The following PRKCQ variants were observed in gnomAD, a reference collection of about 807,000 sequenced individuals.
PRKCQ encodes protein kinase C theta type.
A neutral mutation model predicts 91.2 loss-of-function variants in PRKCQ; 41 were observed. The observed-to-expected ratio is 0.45, with a 90% confidence interval of 0.35 to 0.58. PRKCQ has a LOEUF of 0.58. Ranked by LOEUF, PRKCQ falls within the 20% of genes least tolerant of loss-of-function variation. The pLI is 0.00. For missense variants in PRKCQ, 673 were observed against 896.5 expected (o/e 0.75, Z 3.18); for synonymous variants, 307 against 316.9 (o/e 0.97, Z 0.33).
At chr10:6,428,449 T>C in intron 17 of PRKCQ, 87 bp from the exon 18 acceptor site, 6 of 1,457,628 alleles carry the variant, frequency 4.1e-6, no homozygotes, top group Non-Finnish European at 5.6e-6. Flanking sequence ...TAGGCCGTGA[T>C]CTGCGTATGG....
rs1411547658 is a variant in PRKCQ at position 6,479,087 on chromosome 10, C to T, written c.1258G>A (p.Asp420Asn). The change falls in exon 12 of 18, where the codon GAT becomes AAT. Residue 420 changes from aspartate (D) to asparagine (N), a missense_variant. Transcript: ENST00000263125. Reference sequence around the variant, plus strand: ...TCTACCATCGTGCACTCAACATCATCGTCCATCAAGACCACATCTTTCTTT... The same window carrying T: ...TCTACCATCGTGCACTCAACATCATTGTCCATCAAGACCACATCTTTCTTT... ...ALKKDVVLMD[D>N]DVECTMVEKR... 1.9e-6 allele frequency: 3 copies of T among 1,614,204 alleles called. No individual in the cohort carries two copies. Among genetic ancestry groups the T allele is most frequent in the Non-Finnish European group, 2.5e-6 (3 of 1,180,032 alleles).
the PRKCQ span, among the ~76,000 whole-genome samples, chr10:6,412,028 A>G: frequency 6.6e-6 from 1 of 152,078 alleles, no homozygotes; most frequent in Non-Finnish European, 1.5e-5. Context: ...AAATTAGCCT[A>G]TGAACCCAGA....
chr10:6,533,702 AAAACAGAATGTCCAG>A (rs1839475500), intron 1 of PRKCQ, among the ~76,000 whole-genome samples: 1 of 152,260 alleles, frequency 6.6e-6, no homozygotes, highest in African/African-American at 2.4e-5. Context: ...TTACCGGAAC[AAAACAGAATGTCCAG>A]AAACAGATCC....
At chr10:6,446,731 G>GC (rs1834330328) in intron 15 of PRKCQ, among the ~76,000 whole-genome samples, 3 of 152,206 alleles carry the variant, frequency 2.0e-5, no homozygotes, top group African/African-American at 7.2e-5. Context: ...TTCTCTCTCA[G>GC]CCCCGGGACC....
the PRKCQ span, among the ~76,000 whole-genome samples, chr10:6,396,142 G>C: frequency 1.3e-5 from 2 of 152,098 alleles, no homozygotes; most frequent in Non-Finnish European, 2.9e-5. Context: ...GATAATAAAT[G>C]TAAAAAGTCA....
chr10:6,503,379 T>C (rs1400280853), intron 4 of PRKCQ, among the ~76,000 whole-genome samples: 2 of 151,770 alleles, frequency 1.3e-5, no homozygotes, highest in Admixed American at 6.6e-5. Flanking sequence ...AGGTGTGAAA[T>C]AGAAAGTTGG....
chr10:6,503,399 A>T (rs1838025286), intron 4 of PRKCQ, among the ~76,000 whole-genome samples: 1 of 152,206 alleles, frequency 6.6e-6, no homozygotes, highest in South Asian at 2.1e-4. Context: ...GCAGGGGGGC[A>T]TGAGATGACA....
chr10:6,454,434 G>A (rs571807358), intron 15 of PRKCQ, among the ~76,000 whole-genome samples: 5 of 152,086 alleles, frequency 3.3e-5, no homozygotes, highest in Non-Finnish European at 5.9e-5. Flanking sequence ...GCTTGGAGAA[G>A]GAATCAAGGG....
intron 12 of PRKCQ, among the ~76,000 whole-genome samples, chr10:6,470,894 T>C (rs1203067708): frequency 2.7e-5 from 4 of 150,332 alleles, no homozygotes; most frequent in Non-Finnish European, 5.9e-5. Flanking sequence ...GAGGTTGTAT[T>C]GAGCCGCCTG....
rs762832172 is a variant in PRKCQ, at chr10:6,465,212, G to A, written c.1354-808C>T. Among the ~76,000 whole-genome samples, 5 of 152,082 alleles carry A rather than the reference G, an allele frequency of 3.3e-5. No homozygotes were observed. The highest frequency in any genetic ancestry group is 2.1e-4 in the South Asian group (1 of 4,818). On this transcript the variant is annotated intron_variant, in intron 12 of 17. Coordinates refer to ENST00000263125, the MANE Select transcript of PRKCQ (RefSeq NM_006257.5). The surrounding 1 kb of genome is among the most constrained non-coding windows in gnomAD (Gnocchi z 4.4). ...TGGGCGTGGCGTGGGGGGAGTGGGC[G>A]GGTCATGTCAGTCATTCCTCCCTGA...
chr10:6,555,671 T>C (rs1840381438), intron 1 of PRKCQ, among the ~76,000 whole-genome samples: 1 of 152,136 alleles, frequency 6.6e-6, no homozygotes, highest in African/African-American at 2.4e-5. Context: ...GTATTAATAA[T>C]AAGGTTTTAT....
chr10:6,476,044 T>C (rs528079391), intron 12 of PRKCQ, among the ~76,000 whole-genome samples: 1 of 152,354 alleles, frequency 6.6e-6, no homozygotes, highest in East Asian at 1.9e-4. Flanking sequence ...AACTCATTTA[T>C]GCCTAGTGTT....
At chr10:6,438,507 C>A (rs1180409590) in intron 16 of PRKCQ, among the ~76,000 whole-genome samples, 1 of 152,178 alleles carries the variant, frequency 6.6e-6, no homozygotes, top group Non-Finnish European at 1.5e-5. Context: ...TATTTTTTAA[C>A]CAGCTGACAT....
intron 12 of PRKCQ, among the ~76,000 whole-genome samples, chr10:6,477,930 C>T (rs2130761049): frequency 6.6e-6 from 1 of 152,202 alleles, no homozygotes; most frequent in African/African-American, 2.4e-5. Flanking sequence ...AAGCCTCCGC[C>T]CCTTGTGTTC....
At chr10:6,550,619 G>A (rs2130933527) in intron 1 of PRKCQ, among the ~76,000 whole-genome samples, 1 of 152,334 alleles carries the variant, frequency 6.6e-6, no homozygotes, top group South Asian at 2.1e-4. Context: ...TTCATCTGTT[G>A]ATGGATATGT....
Position 6,576,860 on chromosome 10 carries a change from C to T in PRKCQ, c.-10+3351G>A, listed in dbSNP as rs7095794. 0.53 allele frequency among the ~76,000 whole-genome samples: 79,839 copies of T among 151,818 alleles called. 24,530 individuals carry two copies. The highest frequency in any genetic ancestry group is 0.72 in the Middle Eastern group (210 of 292). ...ATAAGACCTGGACAAGGGGCTCTACCCCTTGAGCCTCAGTTTCCTCATCTG... is the reference window on the plus strand; with the variant it reads ...ATAAGACCTGGACAAGGGGCTCTACTCCTTGAGCCTCAGTTTCCTCATCTG... On this transcript the variant is annotated intron_variant, in intron 1 of 17. Coordinates refer to ENST00000263125, the MANE Select transcript of PRKCQ (RefSeq NM_006257.5). The surrounding 1 kb of genome is among the most constrained non-coding windows in gnomAD (Gnocchi z 4.2).
intron 1 of PRKCQ, among the ~76,000 whole-genome samples, chr10:6,545,896 G>C (rs187696488): frequency 6.6e-6 from 1 of 152,022 alleles, no homozygotes; most frequent in Non-Finnish European, 1.5e-5. Flanking sequence ...CCAGCTATTC[G>C]GGAGGCTGAG....
intron 15 of PRKCQ, among the ~76,000 whole-genome samples, chr10:6,442,448 G>A (rs1834020670): frequency 1.3e-5 from 2 of 152,182 alleles, no homozygotes; most frequent in East Asian, 1.9e-4. Context: ...GCTCTGGTGT[G>A]AGCCTGGAAA....
At chr10:6,514,006 G>T (rs1234902247) in intron 2 of PRKCQ, among the ~76,000 whole-genome samples, 2 of 152,114 alleles carry the variant, frequency 1.3e-5, no homozygotes, top group African/African-American at 4.8e-5. Flanking sequence ...TCTTCTGCAA[G>T]AATAGATGCT....
Sources: allele counts gnomAD v4.1 joint callset (sites outside exome capture counted in the v4.1 genomes callset), GRCh38; gene constraint gnomAD v4.1.1; non-coding constraint Gnocchi (gnomAD v3.1); transcripts MANE v1.5; gene names NCBI Gene and HGNC (gene_info 2026-07-23, HGNC 2026-07-21).